The following TMEM132B variants were observed in gnomAD, a reference collection of about 807,000 sequenced individuals.
TMEM132B encodes the protein transmembrane protein 132B.
A neutral mutation model predicts 90.8 loss-of-function variants in TMEM132B; 18 were observed. The observed-to-expected ratio is 0.20, with a 90% CI of 0.14 to 0.29. The LOEUF is 0.29. TMEM132B is among the 10% of genes least tolerant of loss of function. The pLI is 1.00. For synonymous variants in TMEM132B, 504 were observed against 523.3 expected, an observed-to-expected ratio of 0.96 and a Z score of 0.50; for missense variants, 1,096 against 1,326.8, an observed-to-expected ratio of 0.83 and a Z score of 2.70.
intron 2 of TMEM132B, among the ~76,000 whole-genome samples, chr12:125,412,169 C>T (rs978309017): frequency 3.3e-5 from 5 of 152,160 alleles, no homozygotes; most frequent in African/African-American, 4.8e-5. Context: ...GAAGAAGCAT[C>T]GTGCACGGAG....
At chr12:125,500,327 C>G (rs369580539) in intron 3 of TMEM132B, among the ~76,000 whole-genome samples, 1 of 152,210 alleles carries the variant, frequency 6.6e-6, no homozygotes, top group Non-Finnish European at 1.5e-5. Context: ...GGAATCTCTA[C>G]AAATCTCTGG....
chr12:125,650,123 C>T (rs1593045857), intron 6 of TMEM132B, among the ~76,000 whole-genome samples: 2 of 152,046 alleles, frequency 1.3e-5, no homozygotes, highest in Non-Finnish European at 2.9e-5. Context: ...GTGTTAGAAC[C>T]GTCCACTGCT....
chr12:125,649,100 T>C (rs1886840787), intron 6 of TMEM132B, among the ~76,000 whole-genome samples: 1 of 152,246 alleles, frequency 6.6e-6, no homozygotes, highest in Non-Finnish European at 1.5e-5. Context: ...CCATCTCTCT[T>C]ACTCACGGAG....
In TMEM132B at chr12:125,349,684, G is replaced by A; in HGVS notation, c.300G>A (p.Lys100=). ...GCTATGGCCCATTTTCAGTGGAGAAGATAATCCCCCAGGAGCTCCTGTTGA... is the reference window on the plus strand; with the variant it reads ...GCTATGGCCCATTTTCAGTGGAGAAAATAATCCCCCAGGAGCTCCTGTTGA... The part of the protein sequence containing the change: ...NASYGPFSVE[K]IIPQELLLTS... Residue 100 remains lysine, a synonymous_variant, in exon 2 of 9, where the codon AAG becomes AAA. Transcript: ENST00000682704. This position sits in a 1 kb window ranked among gnomAD's most constrained non-coding sequence, Gnocchi z 4.1. The A allele has an allele frequency of 1.2e-6, 2 of 1,614,190 alleles. No individual in the cohort carries two copies. The highest frequency in any genetic ancestry group is 1.7e-6 in the Non-Finnish European group (2 of 1,180,036).
rs116533023 is a variant in TMEM132B, at chr12:125,225,277, G to C, written c.67+38411G>C. Among the ~76,000 whole-genome samples, 543 of 152,356 alleles carry C rather than the reference G, an allele frequency of 3.6e-3. 4 individuals carry two copies. The highest frequency in any genetic ancestry group is 0.012 in the African/African-American group (507 of 41,572). On this transcript the variant is annotated intron_variant, in intron 1 of 8. Coordinates refer to ENST00000682704, the MANE Select transcript of TMEM132B (RefSeq NM_001366854.1). Reference sequence around the variant, plus strand: ...AGCAGGGTGAGAGGTTACTGGCCACGTAAGCAGGACCAGCCGCACCATTTG... The same window carrying C: ...AGCAGGGTGAGAGGTTACTGGCCACCTAAGCAGGACCAGCCGCACCATTTG...
At chr12:125,465,892 A>G (rs1593160062) in intron 3 of TMEM132B, among the ~76,000 whole-genome samples, 1 of 152,252 alleles carries the variant, frequency 6.6e-6, no homozygotes. Context: ...CTTGCCATAT[A>G]ACATTCTGGC....
rs1331851929 is a variant in TMEM132B, at chr12:125,490,731, G to T, written c.1107-28708G>T. Among the ~76,000 whole-genome samples, 1 of 152,210 alleles carries T rather than the reference G, an allele frequency of 6.6e-6. No homozygotes were observed. Among genetic ancestry groups the T allele is most frequent in the African/African-American group, 2.4e-5 (1 of 41,448 alleles). ...TCCGCCCGTCTTGGCCTCCCAAAGT[G>T]CTGGGATTACAGGTGTGAGCCACCG... is the stretch of plus-strand genomic sequence containing the variant. On this transcript the variant is annotated intron_variant, in intron 3 of 8. Transcript: ENST00000682704. This position sits in a 1 kb window ranked among gnomAD's most constrained non-coding sequence, Gnocchi z 4.2.
chr12:125,595,901 A>G (rs1049196762), intron 5 of TMEM132B, among the ~76,000 whole-genome samples: 4 of 150,508 alleles, frequency 2.7e-5, no homozygotes, highest in East Asian at 3.9e-4. Flanking sequence ...CTCTTGGACT[A>G]TCCACAAACT....
chr12:125,451,460 G>C (rs936006076), intron 3 of TMEM132B, among the ~76,000 whole-genome samples: 2 of 152,136 alleles, frequency 1.3e-5, no homozygotes, highest in Non-Finnish European at 2.9e-5. Flanking sequence ...CAATGAAAAT[G>C]ATAAATAGCA....
intron 5 of TMEM132B, among the ~76,000 whole-genome samples, chr12:125,639,490 G>A (rs1886573781): frequency 6.6e-6 from 1 of 152,228 alleles, no homozygotes; most frequent in Admixed American, 6.5e-5. Flanking sequence ...CTATGGCGCT[G>A]TGCTATTAGC....
chr12:125,264,954 T>C (rs185399976), intron 1 of TMEM132B, among the ~76,000 whole-genome samples: 1 of 152,352 alleles, frequency 6.6e-6, no homozygotes, highest in African/African-American at 2.4e-5. Flanking sequence ...AGAAATTTGC[T>C]GTTTGGTGAT....
At chr12:125,433,350 G>A (rs138038659) in intron 3 of TMEM132B, among the ~76,000 whole-genome samples, 301 of 152,148 alleles carry the variant, frequency 2.0e-3, no homozygotes, top group African/African-American at 6.8e-3. Flanking sequence ...GGTGTCCCCC[G>A]ACTTGAACTC....
intron 3 of TMEM132B, among the ~76,000 whole-genome samples, chr12:125,485,641 G>C (rs1479050729): frequency 1.3e-5 from 2 of 151,944 alleles, no homozygotes; most frequent in Non-Finnish European, 2.9e-5. Flanking sequence ...ACCCATACCG[G>C]GTATCTCATT....
chr12:125,344,187 T>C (rs1877285433), intron 1 of TMEM132B, among the ~76,000 whole-genome samples: 1 of 152,186 alleles, frequency 6.6e-6, no homozygotes, highest in Non-Finnish European at 1.5e-5. Flanking sequence ...TTTGAGGGAA[T>C]ATAGCAGGAT....
At chr12:125,435,090 GGGA>G (rs1204153300) in intron 3 of TMEM132B, among the ~76,000 whole-genome samples, 1 of 152,142 alleles carries the variant, frequency 6.6e-6, no homozygotes, top group African/African-American at 2.4e-5. Flanking sequence ...GGGGAGCAGG[GGGA>G]GGAGAAGATT....
chr12:125,255,280 T>G (rs1048825575), intron 1 of TMEM132B, among the ~76,000 whole-genome samples: 29 of 152,014 alleles, frequency 1.9e-4, no homozygotes, highest in Non-Finnish European at 1.2e-4. Flanking sequence ...TTTCTCTTTC[T>G]TTCTTTCTCT....
rs1190106847 is a variant in TMEM132B at position 125,660,838 on chromosome 12, C to CA, written c.*6129dup. ...AATTTCATGTTAACGACAAGAGTCT[C>CA]ACGGGAGTCTCTTTAGATGCTGCAG... On this transcript the variant is annotated 3_prime_UTR_variant, in exon 9 of 9. Coordinates refer to ENST00000682704, the MANE Select transcript of TMEM132B (RefSeq NM_001366854.1). 6.6e-6 allele frequency: 1 copy of CA among 152,168 alleles called. No homozygotes were observed. The highest frequency in any genetic ancestry group is 1.9e-4 in the East Asian group (1 of 5,200). 9.4% of individuals were successfully genotyped at this position (152,168 alleles called of 1,614,324 possible). A position where few individuals can be genotyped will look rare whatever the true frequency, so the allele number is the denominator to read the frequency against.
chr12:125,496,246 G>A (rs1882556895), intron 3 of TMEM132B, among the ~76,000 whole-genome samples: 1 of 152,120 alleles, frequency 6.6e-6, no homozygotes, highest in Admixed American at 6.5e-5. Flanking sequence ...TTTCAGGGAG[G>A]TTTTATACTG....
At chr12:125,195,152 G>T (rs1346734889) in intron 1 of TMEM132B, among the ~76,000 whole-genome samples, 2 of 152,026 alleles carry the variant, frequency 1.3e-5, no homozygotes, top group African/African-American at 4.8e-5. Flanking sequence ...TCCTGCCTTT[G>T]TCTTCTCCGA....
Sources: allele counts gnomAD v4.1 joint callset (sites outside exome capture counted in the v4.1 genomes callset), GRCh38; gene constraint gnomAD v4.1.1; non-coding constraint Gnocchi (gnomAD v3.1); transcripts MANE v1.5; gene names NCBI Gene and HGNC (gene_info 2026-07-23, HGNC 2026-07-21).